The following UBIAD1 variants were observed in gnomAD, a reference collection of about 807,000 sequenced individuals.
UBIAD1 encodes the protein UbiA prenyltransferase domain containing 1, also known as ubiA prenyltransferase domain-containing protein 1.
Under a neutral mutation model 20.1 loss-of-function variants are expected in UBIAD1, and 12 were observed. That is an observed-to-expected ratio of 0.60 (90% CI 0.38 to 0.97). The LOEUF (loss-of-function observed/expected upper bound fraction) is 0.97. Ranked by LOEUF, UBIAD1 falls within the 50% of genes least tolerant of loss-of-function variation. The pLI, the probability that UBIAD1 is intolerant of heterozygous loss-of-function variation, is 0.00. For missense variants in UBIAD1, 333 were observed against 419.5 expected (o/e 0.79, Z 1.80); for synonymous variants, 207 against 189.2 (o/e 1.09, Z -0.77).
intron 1 of UBIAD1, among the ~76,000 whole-genome samples, chr1:11,276,403 C>T (rs1244292349): frequency 6.6e-6 from 1 of 151,964 alleles, no homozygotes; most frequent in Admixed American, 6.6e-5. Flanking sequence ...GTGCCTCATG[C>T]CTGTAATCTC....
chr1:11,290,954 C>T (rs1638357872), downstream of UBIAD1, among the ~76,000 whole-genome samples: 1 of 139,502 alleles, frequency 7.2e-6, no homozygotes. Context: ...CAGAGCAAGA[C>T]TGTGTCTCCT....
Position 11,286,216 on chromosome 1 carries a change from G to T in UBIAD1, c.*85G>T. The T allele has an allele frequency of 6.3e-7, 1 of 1,585,140 alleles. No individual in the cohort carries two copies. Among genetic ancestry groups the T allele is most frequent in the East Asian group, 2.2e-5 (1 of 44,548 alleles). ...GTCTCTGAGGAAGGAATGTGATTTG[G>T]CAGTCAGGGTACTAAGCATGGGTGG... On this transcript the variant is annotated 3_prime_UTR_variant, in exon 2 of 2. Coordinates refer to ENST00000376810, the MANE Select transcript of UBIAD1 (RefSeq NM_013319.3).
chr1:11,292,609 C>G (rs945735183), downstream of UBIAD1, among the ~76,000 whole-genome samples: 1 of 151,776 alleles, frequency 6.6e-6, no homozygotes, highest in Non-Finnish European at 1.5e-5. Context: ...TGTTGACTGT[C>G]TGGCCATCTT....
intron 1 of UBIAD1, among the ~76,000 whole-genome samples, chr1:11,274,333 C>T (rs1651916112): frequency 6.6e-6 from 1 of 152,234 alleles, no homozygotes; most frequent in Admixed American, 6.5e-5. Flanking sequence ...GAGTCTCGCT[C>T]TGTCGCCCAG....
At chr1:11,292,958 A>G (rs1437584623), downstream of UBIAD1, among the ~76,000 whole-genome samples, 1 of 152,198 alleles carries the variant, frequency 6.6e-6, no homozygotes, top group African/African-American at 2.4e-5. Context: ...TGACTAAGCT[A>G]GGATGGCAAA....
At chr1:11,278,724 AT>A in intron 1 of UBIAD1, 1 of 940,616 alleles carries the variant, frequency 1.1e-6, no homozygotes, top group South Asian at 1.9e-5. Context: ...GAATTTTGTC[AT>A]TTTGCTAACA....
In UBIAD1 at chr1:11,286,255, A is replaced by G; in HGVS notation, c.*124A>G. On this transcript the variant is annotated 3_prime_UTR_variant, in exon 2 of 2. Transcript: ENST00000376810. ...AAGCATGGGTGGGAACTCCTGCCTT[A>G]TAAAAATTGTTTTTGTGTTCTTAAA... 7.8e-7 allele frequency: 1 copy of G among 1,284,270 alleles called. No homozygotes were observed. 79.6% of individuals were successfully genotyped at this position (1,284,270 alleles called of 1,614,324 possible).
chr1:11,289,254 C>G (rs1339842569), downstream of UBIAD1, among the ~76,000 whole-genome samples: 2 of 152,212 alleles, frequency 1.3e-5, no homozygotes, highest in Non-Finnish European at 2.9e-5. Flanking sequence ...GAGCCCTGTC[C>G]TCTGCCCTTT....
Position 11,285,824 on chromosome 1 carries a change from T to C in UBIAD1, c.710T>C (p.Met237Thr). Reference sequence around the variant, plus strand: ...CTCCATTCCAACAACACCAGGGACATGGAGTCCGACCGGGAGGCTGGTATC... The same window carrying C: ...CTCCATTCCAACAACACCAGGGACACGGAGTCCGACCGGGAGGCTGGTATC... ...AILHSNNTRD[M>T]ESDREAGIVT... The change falls in exon 2 of 2, where the codon ATG becomes ACG. Residue 237 changes from methionine (M) to threonine (T), a missense_variant. Around this residue, in one of 3 missense-constraint regions of UBIAD1, gnomAD observed 226 missense variants for 263.5 expected, o/e 0.86. Transcript: ENST00000376810. This position sits in a 1 kb window ranked among gnomAD's most constrained non-coding sequence, Gnocchi z 4.4. 2 of 1,614,210 alleles carry C rather than the reference T, an allele frequency of 1.2e-6. No homozygotes were observed. Among genetic ancestry groups the C allele is most frequent in the South Asian group, 1.1e-5 (1 of 91,086 alleles).
At position 11,286,300 on chromosome 1, in the gene UBIAD1, GTTT is replaced by G; in HGVS notation, c.*173_*175del. ...CTTAAAGATAATATGTTGTTTTTCT[GTTT>G]TTTGTTTTTTCCATTTTATGGGGAA... On this transcript the variant is annotated 3_prime_UTR_variant, in exon 2 of 2. Transcript: ENST00000376810. 1 of 882,416 alleles carries G rather than the reference GTTT, an allele frequency of 1.1e-6. No homozygotes were observed. Among genetic ancestry groups the G allele is most frequent in the African/African-American group, 1.7e-5 (1 of 58,926 alleles). The allele number at this position is 882,416 out of a possible 1,614,324, so 54.7% of individuals were successfully genotyped here.
chr1:11,282,329 G>C (rs180965250), intron 1 of UBIAD1, among the ~76,000 whole-genome samples: 1 of 152,282 alleles, frequency 6.6e-6, no homozygotes, highest in African/African-American at 2.4e-5. Flanking sequence ...AGAAAATGGG[G>C]TTGGGAGAGG....
downstream of UBIAD1, among the ~76,000 whole-genome samples, chr1:11,288,890 C>T (rs184066771): frequency 3.0e-4 from 46 of 151,318 alleles, no homozygotes; most frequent in Admixed American, 6.6e-5. Flanking sequence ...TCCGCCTGGG[C>T]GACAGAGCGA....
At chr1:11,283,851 C>A (rs749501011) in intron 1 of UBIAD1, among the ~76,000 whole-genome samples, 1 of 152,154 alleles carries the variant, frequency 6.6e-6, no homozygotes, top group Non-Finnish European at 1.5e-5. Context: ...TTGGTTAGAA[C>A]TGGAGTTTGC....
chr1:11,275,111 T>C (rs1651966115), intron 1 of UBIAD1, among the ~76,000 whole-genome samples: 1 of 152,226 alleles, frequency 6.6e-6, no homozygotes, highest in Non-Finnish European at 1.5e-5. Flanking sequence ...GAGCACCTAT[T>C]ATGTGCCAGG....
At chr1:11,290,589 G>C (rs775543991), downstream of UBIAD1, among the ~76,000 whole-genome samples, 28 of 152,192 alleles carry the variant, frequency 1.8e-4, no homozygotes, top group Admixed American at 5.2e-4. Flanking sequence ...CCCACTCAGG[G>C]CACCTTTGGA....
In UBIAD1 at chr1:11,274,136, T is replaced by G. The variant is rs144405850; in HGVS notation, c.529+76T>G. On this transcript the variant is annotated intron_variant, in intron 1 of 1. Transcript: ENST00000376810. ...AAACCGCTGCTTTGTAAAGGAGTTA[T>G]AGGGATGTCAAAGGTGGCTTTCTAA... 454 of 1,569,518 alleles carry G rather than the reference T, an allele frequency of 2.9e-4. 2 individuals carry two copies. In the East Asian group the frequency reaches 0.01, roughly 35 times the overall value.
At chr1:11,283,579 T>C (rs1346862915) in intron 1 of UBIAD1, among the ~76,000 whole-genome samples, 4 of 152,124 alleles carry the variant, frequency 2.6e-5, no homozygotes, top group Non-Finnish European at 5.9e-5. Context: ...ATTAGCTTGC[T>C]GAATGTTGAA....
rs1651878484 is a variant in UBIAD1, at chr1:11,273,767, T to C, written c.236T>C (p.Leu79Pro). 1.2e-6 allele frequency: 2 copies of C among 1,614,006 alleles called. No individual in the cohort carries two copies. Among genetic ancestry groups the C allele is most frequent in the African/African-American group, 2.7e-5 (2 of 74,932 alleles). Residue 79 changes from leucine (L) to proline (P), a missense_variant, in exon 1 of 2, where the codon CTG (leucine) becomes CCG (proline). Leu to Pro is a moderately conservative substitution (Grantham distance 98). Around this residue, in one of 3 missense-constraint regions of UBIAD1, gnomAD observed 50 missense variants for 101.2 expected, o/e 0.49. Transcript: ENST00000376810. This position sits in a 1 kb window ranked among gnomAD's most constrained non-coding sequence, Gnocchi z 4.9. Reference protein sequence around the residue: ...SALAYRSHGVLDPRLLVGCAV... With the variant: ...SALAYRSHGVPDPRLLVGCAV... ...CTTGCCTACAGATCCCACGGTGTCC[T>C]GGATCCCAGGCTCTTGGTGGGTTGT...
At chr1:11,289,193 A>G (rs1352254972), downstream of UBIAD1, among the ~76,000 whole-genome samples, 4 of 152,204 alleles carry the variant, frequency 2.6e-5, no homozygotes, top group African/African-American at 4.8e-5. Flanking sequence ...GGAGAGAGCT[A>G]ACTGATCAGC....
Sources: allele counts gnomAD v4.1 joint callset (sites outside exome capture counted in the v4.1 genomes callset), GRCh38; gene constraint gnomAD v4.1.1; regional missense constraint gnomAD v4.1.1; non-coding constraint Gnocchi (gnomAD v3.1); transcripts MANE v1.5; gene names NCBI Gene and HGNC (gene_info 2026-07-23, HGNC 2026-07-21).